The following IL1RL2 variants were observed in gnomAD, a reference collection of about 807,000 sequenced individuals.
IL1RL2 encodes the protein interleukin-1 receptor-like 2.
IL1RL2 carries 68 observed loss-of-function variants against 66.8 expected under a neutral mutation model. The observed-to-expected ratio is 1.02, with a 90% CI of 0.84 to 1.25. IL1RL2 has a LOEUF of 1.25. Ranked by LOEUF, IL1RL2 falls within the 50% of genes most tolerant of loss-of-function variation. The pLI, the probability that IL1RL2 is intolerant of heterozygous loss-of-function variation, is 0.00. For synonymous variants in IL1RL2, 305 were observed against 264.6 expected, an observed-to-expected ratio of 1.15 and a Z score of -1.48; for missense variants, 729 against 709.3, an observed-to-expected ratio of 1.03 and a Z score of -0.32.
intron 8 of IL1RL2, among the ~76,000 whole-genome samples, chr2:102,225,186 T>C (rs35139442): frequency 0.44 from 66,784 of 152,080 alleles, 15,203 homozygotes; most frequent in East Asian, 0.59. Flanking sequence ...CCAGAGGAGC[T>C]GGTTCTGCTC....
In IL1RL2 at chr2:102,211,253, G is replaced by A. The variant is rs2104799259; in HGVS notation, c.650-847G>A. Among the ~76,000 whole-genome samples, 2 of 152,304 alleles carry A rather than the reference G, an allele frequency of 1.3e-5. 1 individual carries two copies. The highest frequency in any genetic ancestry group is 3.9e-4 in the East Asian group (2 of 5,186). ...ATATCCCACTCCAAATATATAGGAG[G>A]AATACTGGAACTAAGTAGGTGATCG... is the stretch of plus-strand genomic sequence containing the variant. On this transcript the variant is annotated intron_variant, in intron 5 of 11. Transcript: ENST00000264257.
intron 5 of IL1RL2, among the ~76,000 whole-genome samples, chr2:102,209,032 A>G (rs1688937484): frequency 1.3e-5 from 2 of 152,214 alleles, no homozygotes; most frequent in African/African-American, 2.4e-5. Flanking sequence ...ATGATTGACT[A>G]CTATAATGCA....
At chr2:102,192,946 A>G (rs1488079976) in intron 4 of IL1RL2, among the ~76,000 whole-genome samples, 1 of 152,146 alleles carries the variant, frequency 6.6e-6, no homozygotes, top group Non-Finnish European at 1.5e-5. Context: ...AAGGTCTCAT[A>G]TATTCTGGAA....
intron 9 of IL1RL2, among the ~76,000 whole-genome samples, chr2:102,231,133 C>T (rs1691088215): frequency 1.3e-5 from 2 of 152,198 alleles, no homozygotes; most frequent in African/African-American, 4.8e-5. Context: ...CCACTCAAGC[C>T]CTCTGGCCCT....
chr2:102,232,928 C>A, intron 9 of IL1RL2, 35 bp from the exon 10 acceptor site: 1 of 1,586,606 alleles, frequency 6.3e-7, no homozygotes, highest in Admixed American at 1.7e-5. Flanking sequence ...AATTTGGTAG[C>A]AACAATTCCA....
intron 8 of IL1RL2, among the ~76,000 whole-genome samples, chr2:102,220,558 C>T (rs886565935): frequency 1.3e-5 from 2 of 152,116 alleles, no homozygotes; most frequent in Non-Finnish European, 2.9e-5. Context: ...GAGGGTGAAG[C>T]CAGAATCAGG....
Position 102,212,155 on chromosome 2 carries a change from T to G in IL1RL2, c.705T>G (p.His235Gln). The G allele has an allele frequency of 6.2e-7, 1 of 1,612,516 alleles. No homozygotes were observed. Among genetic ancestry groups the G allele is most frequent in the Non-Finnish European group, 8.5e-7 (1 of 1,178,624 alleles). ...CTAAAATCATTTATCCAAAAAATCATTCAATTGAAGTACAGCTTGGTGAGT... is the reference window on the plus strand; with the variant it reads ...CTAAAATCATTTATCCAAAAAATCAGTCAATTGAAGTACAGCTTGGTGAGT... ...SVPKIIYPKN[H>Q]SIEVQLGTTL... is the part of the protein sequence containing the mutation. The change falls in exon 6 of 12, where the codon CAT (histidine) becomes CAG (glutamine). Residue 235 changes from histidine (H) to glutamine (Q), a missense_variant. Physicochemically the swap from His to Gln is conservative, Grantham distance 24. Coordinates refer to ENST00000264257, the MANE Select transcript of IL1RL2 (RefSeq NM_003854.4).
chr2:102,207,039 C>T (rs940662791), intron 5 of IL1RL2, among the ~76,000 whole-genome samples: 7 of 152,214 alleles, frequency 4.6e-5, no homozygotes, highest in Non-Finnish European at 8.8e-5. Flanking sequence ...CAGCCGGCCA[C>T]AAGGAGTACT....
At chr2:102,211,972 ATGGAG>A in intron 5 of IL1RL2, 123 bp from the exon 6 acceptor site, 1 of 547,782 alleles carries the variant, frequency 1.8e-6, no homozygotes, top group Middle Eastern at 2.7e-4. Flanking sequence ...ATGTGTATTT[ATGGAG>A]TGAGATTTTG....
intron 9 of IL1RL2, 118 bp from the exon 10 acceptor site, chr2:102,232,845 C>A: frequency 8.5e-7 from 1 of 1,172,568 alleles, no homozygotes; most frequent in Non-Finnish European, 1.2e-6. Context: ...CAACTGGGCA[C>A]TCAGAAGTCA....
intron 5 of IL1RL2, among the ~76,000 whole-genome samples, chr2:102,208,954 A>G (rs576934721): frequency 2.0e-5 from 3 of 152,314 alleles, no homozygotes; most frequent in African/African-American, 7.2e-5. Context: ...CATCTTGTTC[A>G]CAGTTGAATC....
intron 6 of IL1RL2, 106 bp downstream of exon 6, chr2:102,212,280 C>T: frequency 1.3e-6 from 1 of 791,048 alleles, no homozygotes; most frequent in Non-Finnish European, 2.1e-6. Context: ...AAATCCTATA[C>T]ACACCCAGTT....
chr2:102,187,858 C>T lies in IL1RL2; in HGVS notation c.-10C>T, dbSNP rs148263719. The T allele has an allele frequency of 2.1e-4, 347 of 1,614,124 alleles. 1 individual carries two copies. In the East Asian group the frequency reaches 6.2e-3, roughly 29 times the overall value. ...ACCCTCTTCTCCCTTCCTTGCAGCC[C>T]GGTTTGGGGATGTGGTCCTTGCTGC... On this transcript the variant is annotated splice_region_variant and 5_prime_UTR_variant, in exon 2 of 12. Transcript: ENST00000264257.
At chr2:102,242,551 G>A (rs1675254846), downstream of IL1RL2, among the ~76,000 whole-genome samples, 1 of 152,268 alleles carries the variant, frequency 6.6e-6, no homozygotes, top group East Asian at 1.9e-4. Flanking sequence ...CAGAAGATGA[G>A]ATGGTTCAGC....
chr2:102,225,184 G>A (rs754687279), intron 8 of IL1RL2, among the ~76,000 whole-genome samples: 1 of 152,208 alleles, frequency 6.6e-6, no homozygotes, highest in Non-Finnish European at 1.5e-5. Context: ...TTCCAGAGGA[G>A]CTGGTTCTGC....
intron 3 of IL1RL2, 58 bp downstream of exon 3, chr2:102,189,368 G>A: frequency 2.8e-6 from 3 of 1,064,968 alleles, no homozygotes; most frequent in Non-Finnish European, 2.7e-6. Context: ...ATTATTTTAG[G>A]AAAATTCTTA....
At chr2:102,193,880 G>C (rs1340028299) in intron 4 of IL1RL2, among the ~76,000 whole-genome samples, 1 of 151,570 alleles carries the variant, frequency 6.6e-6, no homozygotes, top group Non-Finnish European at 1.5e-5. Context: ...TACTTTTCAT[G>C]CCATTTTCTT....
intron 5 of IL1RL2, among the ~76,000 whole-genome samples, chr2:102,208,969 G>A (rs1235115517): frequency 1.3e-5 from 2 of 152,122 alleles, no homozygotes; most frequent in Admixed American, 1.3e-4. Context: ...TGAATCCCTG[G>A]CCCTGAGCCC....
At chr2:102,190,040 G>A (rs1687098002) in intron 3 of IL1RL2, among the ~76,000 whole-genome samples, 1 of 152,188 alleles carries the variant, frequency 6.6e-6, no homozygotes, top group Admixed American at 6.5e-5. Context: ...TTTTCACGAG[G>A]AATCTGCTTA....
Sources: allele counts gnomAD v4.1 joint callset (sites outside exome capture counted in the v4.1 genomes callset), GRCh38; gene constraint gnomAD v4.1.1; transcripts MANE v1.5; gene names NCBI Gene and HGNC (gene_info 2026-07-23, HGNC 2026-07-21).